The following ZSCAN26 variants were observed in gnomAD, a reference collection of about 807,000 sequenced individuals.
ZSCAN26 encodes the protein zinc finger and SCAN domain-containing protein 26.
Under a neutral mutation model 23.0 loss-of-function variants are expected in ZSCAN26, and 26 were observed. The ratio of observed to expected loss-of-function variants is 1.13; its 90% CI spans 0.83 to 1.57. The LOEUF is 1.57. Among genes scored for constraint, ZSCAN26 ranks in the 40% most tolerant of loss-of-function variants. ZSCAN26 has a pLI of 0.00. For synonymous variants in ZSCAN26, 180 were observed against 202.5 expected (o/e 0.89, Z 0.94); for missense variants, 528 against 568.5 (o/e 0.93, Z 0.72).
intron 2 of ZSCAN26, 141 bp downstream of exon 2, chr6:28,272,480 G>A: frequency 8.6e-7 from 1 of 1,159,310 alleles, no homozygotes; most frequent in African/African-American, 1.6e-5. Context: ...ATTTCCTTAG[G>A]TCTTACCTCA....
At position 28,277,108 on chromosome 6, in the gene ZSCAN26, C is replaced by T. The variant is rs907476339; in HGVS notation, c.*12C>T. ...ACAAACTGGCTTGATGAGGTGTTCT[C>T]TCCTTGTAGAACATCAGAGAAGGCA... On this transcript the variant is annotated 3_prime_UTR_variant, in exon 4 of 4. Transcript: ENST00000421553. 2 of 1,605,588 alleles carry T rather than the reference C, an allele frequency of 1.2e-6. No homozygotes were observed. The highest frequency in any genetic ancestry group is 1.7e-5 in the Admixed American group (1 of 59,248).
chr6:28,268,574 A>G (rs1761540917), intron 1 of ZSCAN26, among the ~76,000 whole-genome samples: 1 of 152,178 alleles, frequency 6.6e-6, no homozygotes, highest in Admixed American at 6.5e-5. Flanking sequence ...ACAGTGGTCT[A>G]GGTAGGAGAA....
chr6:28,268,263 G>GT (rs1761526071), intron 1 of ZSCAN26, among the ~76,000 whole-genome samples: 1 of 152,130 alleles, frequency 6.6e-6, no homozygotes, highest in African/African-American at 2.4e-5. Context: ...GACATGAAGT[G>GT]TGAGTGGGCA....
intron 1 of ZSCAN26, among the ~76,000 whole-genome samples, chr6:28,269,730 C>G (rs1439563623): frequency 6.6e-6 from 1 of 152,150 alleles, no homozygotes; most frequent in Non-Finnish European, 1.5e-5. Context: ...TTGTTCTAGT[C>G]AGACTTTTAA....
chr6:28,277,236 T>C lies in ZSCAN26; in HGVS notation c.*140T>C. 1.3e-6 allele frequency: 1 copy of C among 773,600 alleles called. No homozygotes were observed. The highest frequency in any genetic ancestry group is 2.1e-6 in the Non-Finnish European group (1 of 487,072). 47.9% of individuals were successfully genotyped at this position (773,600 alleles called of 1,614,324 possible). On this transcript the variant is annotated 3_prime_UTR_variant, in exon 4 of 4. Transcript: ENST00000421553. ...GGAGGCTCCCTGCCTCTATTCTCTC[T>C]CCTTTGCTTTCCTTGAAGTCAGCTT...
chr6:28,274,940 GC>G (rs962294719), intron 3 of ZSCAN26, among the ~76,000 whole-genome samples: 4 of 152,074 alleles, frequency 2.6e-5, no homozygotes, highest in Admixed American at 2.6e-4. Context: ...CTTGCCCCCT[GC>G]CCCTGTGTAG....
At position 28,277,106 on chromosome 6, in the gene ZSCAN26, C is replaced by G; in HGVS notation, c.*10C>G. 1 of 1,607,262 alleles carries G rather than the reference C, an allele frequency of 6.2e-7. No homozygotes were observed. The highest frequency in any genetic ancestry group is 8.5e-7 in the Non-Finnish European group (1 of 1,177,478). ...AGACAAACTGGCTTGATGAGGTGTTCTCTCCTTGTAGAACATCAGAGAAGG... is the reference window on the plus strand; with the variant it reads ...AGACAAACTGGCTTGATGAGGTGTTGTCTCCTTGTAGAACATCAGAGAAGG... On this transcript the variant is annotated 3_prime_UTR_variant, in exon 4 of 4. Coordinates refer to ENST00000421553, the MANE Select transcript of ZSCAN26 (RefSeq NM_001023560.4).
rs199612523 is a variant in ZSCAN26, at chr6:28,276,201, A to G, written c.545A>G (p.Glu182Gly). The change falls in exon 4 of 4, where the codon GAG becomes GGG. Residue 182 changes from glutamate to glycine, a missense_variant. Physicochemically the swap from Glu to Gly is moderately conservative, Grantham distance 98. Transcript: ENST00000421553. ...VTKPEKEKGE[E>G]TRIENGKLIV... is the part of the protein sequence containing the mutation. The stretch of plus-strand genomic sequence containing the variant: ...TATATATTTAATATTGCAGGTGAGG[A>G]GACAAGGATTGAGAATGGGAAGCTT... The G allele has an allele frequency of 3.6e-4, 584 of 1,605,716 alleles. 1 individual carries two copies. Among genetic ancestry groups the G allele is most frequent in the Non-Finnish European group, 4.6e-4 (538 of 1,175,392 alleles).
At chr6:28,270,589 T>C (rs1419195381) in intron 1 of ZSCAN26, among the ~76,000 whole-genome samples, 1 of 152,224 alleles carries the variant, frequency 6.6e-6, no homozygotes, top group Non-Finnish European at 1.5e-5. Flanking sequence ...ACTTGAGATA[T>C]CTGACCTGAA....
Position 28,276,490 on chromosome 6 carries a change from T to G in ZSCAN26, c.834T>G (p.Ser278=), listed in dbSNP as rs1761942387. The G allele has an allele frequency of 6.2e-7, 1 of 1,613,766 alleles. No homozygotes were observed. Among genetic ancestry groups the G allele is most frequent in the South Asian group, 1.1e-5 (1 of 91,068 alleles). ...SSLTGHKKVL[S]REKGHQCHEC... is the part of the protein sequence containing the mutation. ...TTACAGGACATAAGAAAGTCCTCTC[T>G]AGAGAGAAAGGTCATCAGTGTCATG... is the stretch of plus-strand genomic sequence containing the variant. The change falls in exon 4 of 4, where the codon TCT becomes TCG. Residue 278 remains serine, a synonymous_variant. Transcript: ENST00000421553.
At position 28,273,678 on chromosome 6, in the gene ZSCAN26, G is replaced by A. The variant is rs1010967729; in HGVS notation, c.538+891G>A. 3.4e-5 allele frequency among the ~76,000 whole-genome samples: 5 copies of A among 148,512 alleles called. 1 individual carries two copies. The highest frequency in any genetic ancestry group is 2.0e-4 in the Admixed American group (3 of 14,930). On this transcript the variant is annotated intron_variant, in intron 3 of 3. Transcript: ENST00000421553. ...TGGCCACTATCTTTCATTTCTAAACGTCACCTGGATTTTTTTTTTTTTTTG... is the reference window on the plus strand; with the variant it reads ...TGGCCACTATCTTTCATTTCTAAACATCACCTGGATTTTTTTTTTTTTTTG...
Position 28,271,858 on chromosome 6 carries a change from G to A in ZSCAN26, c.-62G>A, listed in dbSNP as rs1581609933. ...CTCTTGTTACTATAATTTTAGGAGTGTCTCTGAAGATACAGTCCAAAGAAA... is the reference window on the plus strand; with the variant it reads ...CTCTTGTTACTATAATTTTAGGAGTATCTCTGAAGATACAGTCCAAAGAAA... On this transcript the variant is annotated 5_prime_UTR_variant, in exon 2 of 4. Transcript: ENST00000421553. 7.2e-7 allele frequency: 1 copy of A among 1,393,346 alleles called. No homozygotes were observed. Among genetic ancestry groups the A allele is most frequent in the African/African-American group, 1.5e-5 (1 of 68,018 alleles). 86.3% of individuals were successfully genotyped at this position (1,393,346 alleles called of 1,614,324 possible). A position where few individuals can be genotyped will look rare whatever the true frequency, so the allele number is the denominator to read the frequency against.
chr6:28,276,753 C>T lies in ZSCAN26; in HGVS notation c.1097C>T (p.Pro366Leu), dbSNP rs750473713. 1.9e-6 allele frequency: 3 copies of T among 1,613,852 alleles called. No individual in the cohort carries two copies. In the Admixed American group the frequency reaches 5.0e-5, roughly 27 times the overall value. ...CAGAGAATTCACAGTCAGGAGGAGC[C>T]CTGTGAGTGCAAGGAGTGTGGAAAA... ...RHQRIHSQEE[P>L]CECKECGKTF... The change falls in exon 4 of 4, where the codon CCC (proline) becomes CTC (leucine). Residue 366 changes from proline to leucine, a missense_variant. Physicochemically the swap from Pro to Leu is moderately conservative, Grantham distance 98. Coordinates refer to ENST00000421553, the MANE Select transcript of ZSCAN26 (RefSeq NM_001023560.4).
Position 28,276,995 on chromosome 6 carries a change from G to A in ZSCAN26, c.1339G>A (p.Glu447Lys). The change falls in exon 4 of 4, where the codon GAA (glutamate) becomes AAA (lysine). Residue 447 changes from glutamate to lysine, a missense_variant. Physicochemically the swap from Glu to Lys is moderately conservative, Grantham distance 56. Coordinates refer to ENST00000421553, the MANE Select transcript of ZSCAN26 (RefSeq NM_001023560.4). ...HLAQHVRIHN[E>K]EKPYQCSECG... ...TGCTCAGCATGTAAGAATCCACAATGAAGAAAAACCCTATCAGTGTAGTGA... is the reference window on the plus strand; with the variant it reads ...TGCTCAGCATGTAAGAATCCACAATAAAGAAAAACCCTATCAGTGTAGTGA... 1 of 1,613,982 alleles carries A rather than the reference G, an allele frequency of 6.2e-7. No individual in the cohort carries two copies. Among genetic ancestry groups the A allele is most frequent in the Non-Finnish European group, 8.5e-7 (1 of 1,179,862 alleles).
chr6:28,271,075 G>A (rs1272156663), intron 1 of ZSCAN26, among the ~76,000 whole-genome samples: 1 of 152,194 alleles, frequency 6.6e-6, no homozygotes, highest in Non-Finnish European at 1.5e-5. Flanking sequence ...GGGCTGGATT[G>A]GAACCCAGGC....
Position 28,276,777 on chromosome 6 carries a change from A to T in ZSCAN26, c.1121A>T (p.Lys374Ile). 4 of 1,613,994 alleles carry T rather than the reference A, an allele frequency of 2.5e-6. No individual in the cohort carries two copies. The highest frequency in any genetic ancestry group is 2.5e-6 in the Non-Finnish European group (3 of 1,179,880). Residue 374 changes from lysine (K) to isoleucine (I), a missense_variant, in exon 4 of 4, where the codon AAA becomes ATA. Lys to Ile is a moderately radical substitution (Grantham distance 102). Coordinates refer to ENST00000421553, the MANE Select transcript of ZSCAN26 (RefSeq NM_001023560.4). The part of the protein sequence containing the change: ...EEPCECKECG[K>I]TFSQALLLTH... ...CCCTGTGAGTGCAAGGAGTGTGGAA[A>T]AACCTTTAGTCAGGCCTTACTCCTC...
intron 1 of ZSCAN26, among the ~76,000 whole-genome samples, chr6:28,271,125 C>T (rs1230443630): frequency 6.6e-6 from 1 of 152,168 alleles, no homozygotes; most frequent in African/African-American, 2.4e-5. Context: ...TCCACATTTA[C>T]AGAAATAGAC....
rs1581620847 is a variant in ZSCAN26 at position 28,277,217 on chromosome 6, T to C, written c.*121T>C. On this transcript the variant is annotated 3_prime_UTR_variant, in exon 4 of 4. Transcript: ENST00000421553. ...AATTCTTGGGGGCTGAGTTGGAGGC[T>C]CCCTGCCTCTATTCTCTCTCCTTTG... 6.4e-6 allele frequency: 6 copies of C among 944,562 alleles called. No individual in the cohort carries two copies. The allele number at this position is 944,562 out of a possible 1,614,324, so 58.5% of individuals were successfully genotyped here. A position where few individuals can be genotyped will look rare whatever the true frequency, so the allele number is the denominator to read the frequency against.
chr6:28,276,502 T>G lies in ZSCAN26; in HGVS notation c.846T>G (p.Gly282=), dbSNP rs753014507. 1.9e-6 allele frequency: 3 copies of G among 1,613,758 alleles called. No individual in the cohort carries two copies. The highest frequency in any genetic ancestry group is 1.7e-6 in the Non-Finnish European group (2 of 1,179,840). The part of the protein sequence containing the change: ...GHKKVLSREK[G]HQCHECGKAF... ...AGAAAGTCCTCTCTAGAGAGAAAGG[T>G]CATCAGTGTCATGAGTGTGGGAAAG... Residue 282 remains glycine (G), a synonymous_variant, in exon 4 of 4, where the codon GGT becomes GGG. Transcript: ENST00000421553.
Sources: allele counts gnomAD v4.1 joint callset (sites outside exome capture counted in the v4.1 genomes callset), GRCh38; gene constraint gnomAD v4.1.1; transcripts MANE v1.5; gene names NCBI Gene and HGNC (gene_info 2026-07-23, HGNC 2026-07-21).